The following RGS7BP variants were observed in gnomAD, a reference collection of about 807,000 sequenced individuals.
RGS7BP encodes the protein regulator of G protein signaling 7 binding protein, also known as regulator of G protein signaling 7-binding protein.
RGS7BP carries 9 observed loss-of-function variants against 31.3 expected under a neutral mutation model. That is an observed-to-expected ratio of 0.29 (90% CI 0.17 to 0.50). RGS7BP has a LOEUF of 0.50. Ranked by LOEUF, RGS7BP falls within the 20% of genes least tolerant of loss-of-function variation. The pLI, the probability that RGS7BP is intolerant of heterozygous loss-of-function variation, is 0.98. For synonymous variants in RGS7BP, 115 were observed against 120.1 expected, an observed-to-expected ratio of 0.96 and a Z score of 0.28; for missense variants, 274 against 322.0, an observed-to-expected ratio of 0.85 and a Z score of 1.14.
At chr5:64,526,398 T>C (rs1449241862) in intron 2 of RGS7BP, among the ~76,000 whole-genome samples, 4 of 152,184 alleles carry the variant, frequency 2.6e-5, no homozygotes, top group East Asian at 3.9e-4. Flanking sequence ...TGGGTATGAA[T>C]TGAACTGCTG....
At chr5:64,547,524 G>T (rs560563963) in intron 2 of RGS7BP, among the ~76,000 whole-genome samples, 10 of 152,224 alleles carry the variant, frequency 6.6e-5, no homozygotes, top group African/African-American at 2.2e-4. Context: ...CCCATCATTG[G>T]CTACCACCTT....
At chr5:64,576,614 C>A (rs1742438556) in intron 3 of RGS7BP, among the ~76,000 whole-genome samples, 1 of 152,168 alleles carries the variant, frequency 6.6e-6, no homozygotes, top group Non-Finnish European at 1.5e-5. Context: ...GAACTTCATT[C>A]TGTTTGGACC....
intron 2 of RGS7BP, among the ~76,000 whole-genome samples, chr5:64,567,972 T>C (rs1360752469): frequency 6.6e-6 from 1 of 152,036 alleles, no homozygotes; most frequent in Non-Finnish European, 1.5e-5. Context: ...AGGCTGAAAA[T>C]CTTGATTTTA....
At chr5:64,526,193 G>A (rs1025329165) in intron 2 of RGS7BP, among the ~76,000 whole-genome samples, 3 of 152,188 alleles carry the variant, frequency 2.0e-5, no homozygotes, top group African/African-American at 4.8e-5. Context: ...TAGCCGCAAA[G>A]GAAAACAGGA....
chr5:64,532,391 G>A (rs879485734), intron 2 of RGS7BP, among the ~76,000 whole-genome samples: 3 of 151,934 alleles, frequency 2.0e-5, no homozygotes, highest in Non-Finnish European at 4.4e-5. Context: ...GAACAATGAG[G>A]CTTAATCTGC....
At chr5:64,555,867 A>ATT in intron 2 of RGS7BP, among the ~76,000 whole-genome samples, 1 of 152,294 alleles carries the variant, frequency 6.6e-6, no homozygotes, top group African/African-American at 2.4e-5. Flanking sequence ...TTAAATTTAC[A>ATT]TAATTTAAAT....
At chr5:64,554,348 C>T (rs1741871296) in intron 2 of RGS7BP, among the ~76,000 whole-genome samples, 1 of 152,156 alleles carries the variant, frequency 6.6e-6, no homozygotes, top group African/African-American at 2.4e-5. Context: ...CAGCACCATA[C>T]AGCCAACCTC....
chr5:64,552,584 G>A (rs1008878109), intron 2 of RGS7BP, among the ~76,000 whole-genome samples: 3 of 152,148 alleles, frequency 2.0e-5, no homozygotes, highest in African/African-American at 4.8e-5. Context: ...ATAAGTGTTT[G>A]TCCTGATTTG....
At chr5:64,527,711 A>G (rs1366226704) in intron 2 of RGS7BP, among the ~76,000 whole-genome samples, 1 of 152,080 alleles carries the variant, frequency 6.6e-6, no homozygotes, top group Non-Finnish European at 1.5e-5. Flanking sequence ...GCTAGAATAC[A>G]GTACAAACAT....
At chr5:64,562,555 G>A (rs1435179147) in intron 2 of RGS7BP, among the ~76,000 whole-genome samples, 2 of 152,134 alleles carry the variant, frequency 1.3e-5, no homozygotes, top group African/African-American at 4.8e-5. Context: ...GAGGCTAGAA[G>A]GTGGCCTTCA....
In RGS7BP at chr5:64,605,040, A is replaced by G. The variant is rs1424781371; in HGVS notation, c.683-4121A>G. ...ATAAAATTTTTTTTAAAAATCTAAA[A>G]GAATTAAACATTGAATGACTGAGGT... On this transcript the variant is annotated intron_variant, in intron 5 of 5. Transcript: ENST00000334025. 2.0e-5 allele frequency among the ~76,000 whole-genome samples: 3 copies of G among 152,110 alleles called. No homozygotes were observed. The East Asian group carries it at 5.8e-4, about 29-fold the overall frequency.
At chr5:64,577,033 G>T (rs576343003) in intron 3 of RGS7BP, among the ~76,000 whole-genome samples, 1 of 151,896 alleles carries the variant, frequency 6.6e-6, no homozygotes, top group South Asian at 2.1e-4. Context: ...GTTCAGTTAC[G>T]GAAGGAAAAA....
intron 2 of RGS7BP, among the ~76,000 whole-genome samples, chr5:64,559,407 T>A (rs1183942438): frequency 2.0e-5 from 3 of 152,164 alleles, no homozygotes; most frequent in Non-Finnish European, 4.4e-5. Context: ...TATGTTATAT[T>A]TGGGGGAACC....
At chr5:64,527,443 G>A (rs184324238) in intron 2 of RGS7BP, among the ~76,000 whole-genome samples, 7 of 152,194 alleles carry the variant, frequency 4.6e-5, no homozygotes, top group Non-Finnish European at 7.4e-5. Context: ...GGAAAGAGGC[G>A]AGGATTGATA....
At chr5:64,507,651 A>G in intron 1 of RGS7BP, 60 bp from the exon 2 acceptor site, 2 of 1,498,998 alleles carry the variant, frequency 1.3e-6, no homozygotes, top group South Asian at 1.4e-5. Flanking sequence ...GTACTCCGAA[A>G]CAGGAAACTT....
At chr5:64,539,721 G>C (rs996584486) in intron 2 of RGS7BP, 1 of 152,128 alleles carries the variant, frequency 6.6e-6, no homozygotes, top group African/African-American at 2.4e-5. Flanking sequence ...GAACTCCTGC[G>C]CTGATCATTA....
At chr5:64,588,538 T>C (rs1005841139) in intron 3 of RGS7BP, among the ~76,000 whole-genome samples, 3 of 152,130 alleles carry the variant, frequency 2.0e-5, no homozygotes, top group African/African-American at 4.8e-5. Flanking sequence ...GAATTAGGAC[T>C]CAAAAAAACC....
intron 2 of RGS7BP, among the ~76,000 whole-genome samples, chr5:64,508,183 T>G (rs1748745592): frequency 6.6e-6 from 1 of 152,178 alleles, no homozygotes; most frequent in South Asian, 2.1e-4. Flanking sequence ...TGGCTGGACA[T>G]CAAACTGAAG....
chr5:64,563,362 G>T (rs1742097371), intron 2 of RGS7BP, among the ~76,000 whole-genome samples: 1 of 152,006 alleles, frequency 6.6e-6, no homozygotes, highest in African/African-American at 2.4e-5. Flanking sequence ...CCCTTATTTG[G>T]AATGTGACCT....
Sources: allele counts gnomAD v4.1 joint callset (sites outside exome capture counted in the v4.1 genomes callset), GRCh38; gene constraint gnomAD v4.1.1; transcripts MANE v1.5; gene names NCBI Gene and HGNC (gene_info 2026-07-23, HGNC 2026-07-21).